The following CD200 variants were observed in gnomAD, a reference collection of about 807,000 sequenced individuals.
The protein encoded by CD200 is OX-2 membrane glycoprotein.
CD200 carries 15 observed loss-of-function variants against 30.9 expected under a neutral mutation model. The observed-to-expected ratio is 0.49, with a 90% confidence interval of 0.32 to 0.75. The LOEUF (loss-of-function observed/expected upper bound fraction) is 0.75, where lower values mean the gene tolerates loss of function less well. Ranked by LOEUF, CD200 falls within the 30% of genes least tolerant of loss-of-function variation. CD200 has a pLI of 0.03. For missense variants in CD200, 262 were observed against 324.2 expected, an observed-to-expected ratio of 0.81 and a Z score of 1.47; for synonymous variants, 134 against 126.2, an observed-to-expected ratio of 1.06 and a Z score of -0.41.
At chr3:112,335,408 G>A (rs191536423) in intron 1 of CD200, among the ~76,000 whole-genome samples, 191 of 152,264 alleles carry the variant, frequency 1.3e-3, no homozygotes, top group African/African-American at 4.0e-3. Context: ...TGGTATGCTT[G>A]GGTATCGAAT....
At chr3:112,334,291 G>A (rs1480181027) in intron 1 of CD200, 19 of 983,662 alleles carry the variant, frequency 1.9e-5, no homozygotes, top group Non-Finnish European at 2.3e-5. Flanking sequence ...CTACCAGGTG[G>A]GCAGCTGTCT....
Position 112,344,943 on chromosome 3 carries a change from T to C in CD200, c.95-19T>C. ...GTGTTACAATCTTTAAATATAAATG[T>C]TCTTTTATGATTCCATAGTGCAAGT... On this transcript the variant is annotated intron_variant, in intron 2 of 5. Coordinates refer to ENST00000315711, the MANE Select transcript of CD200 (RefSeq NM_005944.7). 2 of 1,542,034 alleles carry C rather than the reference T, an allele frequency of 1.3e-6. No homozygotes were observed. Among genetic ancestry groups the C allele is most frequent in the Non-Finnish European group, 1.8e-6 (2 of 1,131,898 alleles).
chr3:112,340,020 T>C (rs1033382595), intron 1 of CD200, among the ~76,000 whole-genome samples: 1 of 152,206 alleles, frequency 6.6e-6, no homozygotes, highest in Non-Finnish European at 1.5e-5. Context: ...CAACATTGAC[T>C]GGAAGTAAAT....
rs1337940963 is a variant in CD200, at chr3:112,361,839, T to G, written c.*289T>G. On this transcript the variant is annotated 3_prime_UTR_variant, in exon 6 of 6. Coordinates refer to ENST00000315711, the MANE Select transcript of CD200 (RefSeq NM_005944.7). ...TGGACTTAGTTAGTATCAGGAGCACTGAGCTCACAGACTGACTTGGGCTCC... is the reference window on the plus strand; with the variant it reads ...TGGACTTAGTTAGTATCAGGAGCACGGAGCTCACAGACTGACTTGGGCTCC... 1 of 474,990 alleles carries G rather than the reference T, an allele frequency of 2.1e-6. No individual in the cohort carries two copies. Among genetic ancestry groups the G allele is most frequent in the Non-Finnish European group, 3.8e-6 (1 of 265,710 alleles). The allele number at this position is 474,990 out of a possible 1,614,324, so 29.4% of individuals were successfully genotyped here.
In CD200 at chr3:112,347,714, C is replaced by T. The variant is rs550498570; in HGVS notation, c.578C>T (p.Thr193Met). 2.0e-5 allele frequency: 32 copies of T among 1,614,006 alleles called. No individual in the cohort carries two copies. The highest frequency in any genetic ancestry group is 8.8e-5 in the South Asian group (8 of 91,078). The change falls in exon 4 of 6, where the codon ACG becomes ATG. Residue 193 changes from threonine to methionine, a missense_variant. Physicochemically the swap from Thr to Met is moderately conservative, Grantham distance 81. Coordinates refer to ENST00000315711, the MANE Select transcript of CD200 (RefSeq NM_005944.7). ...ACTCTGTCTCACCCAAATGGGACCA[C>T]GTCTGTTACCAGCATCCTCCATATC... is the stretch of plus-strand genomic sequence containing the variant. Reference protein sequence around the residue: ...TVTLSHPNGTTSVTSILHIKD... With the variant: ...TVTLSHPNGTMSVTSILHIKD...
At chr3:112,359,711 C>A (rs2081700032) in intron 5 of CD200, among the ~76,000 whole-genome samples, 1 of 152,110 alleles carries the variant, frequency 6.6e-6, no homozygotes, top group Non-Finnish European at 1.5e-5. Context: ...ATGAACAAAA[C>A]AGGACCTTGT....
chr3:112,343,603 A>G lies in CD200; in HGVS notation c.95-1359A>G, dbSNP rs985683638. Among the ~76,000 whole-genome samples the G allele has an allele frequency of 2.0e-5, 3 of 152,188 alleles. No individual in the cohort carries two copies. The East Asian group carries it at 5.8e-4, about 29-fold the overall frequency. ...ACAGGCATCAGCCACTGTACCTGGT[A>G]GTTTTTCAAATTTCCTATTTAACTT... On this transcript the variant is annotated intron_variant, in intron 2 of 5. Coordinates refer to ENST00000315711, the MANE Select transcript of CD200 (RefSeq NM_005944.7).
chr3:112,342,142 C>A (rs1411674236), intron 2 of CD200, among the ~76,000 whole-genome samples: 5 of 151,834 alleles, frequency 3.3e-5, no homozygotes, highest in African/African-American at 9.7e-5. Context: ...TTATTAGTGT[C>A]TTTATCTTTA....
intron 5 of CD200, among the ~76,000 whole-genome samples, chr3:112,355,985 A>C (rs2081617095): frequency 6.6e-6 from 1 of 152,222 alleles, no homozygotes; most frequent in African/African-American, 2.4e-5. Flanking sequence ...AACAAATGAG[A>C]TTTTGTACTA....
chr3:112,332,731 A>G (rs1430434479), upstream of CD200: 3 of 158,968 alleles, frequency 1.9e-5, no homozygotes, highest in Non-Finnish European at 4.1e-5. Context: ...GCTTAAATAT[A>G]TAATTTGAAT....
chr3:112,349,646 C>T (rs1342231870), intron 4 of CD200, 66 bp from the exon 5 acceptor site: 9 of 1,384,420 alleles, frequency 6.5e-6, no homozygotes, highest in Admixed American at 4.2e-5. Context: ...AAAAGCTCAA[C>T]TCTTTTTGCC....
chr3:112,350,248 C>T (rs1027038915), intron 5 of CD200, among the ~76,000 whole-genome samples: 5 of 152,170 alleles, frequency 3.3e-5, no homozygotes, highest in Non-Finnish European at 5.9e-5. Context: ...TCCCACGATG[C>T]CTCAAACACT....
intron 1 of CD200, among the ~76,000 whole-genome samples, chr3:112,334,954 C>A (rs1416425871): frequency 6.6e-6 from 1 of 152,200 alleles, no homozygotes; most frequent in Non-Finnish European, 1.5e-5. Context: ...CATTCTTCAT[C>A]ATGGCCTCTG....
intron 1 of CD200, among the ~76,000 whole-genome samples, chr3:112,334,587 T>TAG (rs2081071064): frequency 6.6e-6 from 1 of 152,176 alleles, no homozygotes; most frequent in African/African-American, 2.4e-5. Flanking sequence ...TTTTAACCAT[T>TAG]AGATTGGTAC....
chr3:112,333,360 G>A, intron 1 of CD200, 136 bp downstream of exon 1: 1 of 1,420,960 alleles, frequency 7.0e-7, no homozygotes, highest in South Asian at 1.5e-5. Context: ...GATCAGCGGT[G>A]TTGATGGCAG....
intron 5 of CD200, among the ~76,000 whole-genome samples, chr3:112,354,739 A>G (rs1158393569): frequency 6.6e-6 from 1 of 152,242 alleles, no homozygotes; most frequent in Non-Finnish European, 1.5e-5. Flanking sequence ...AGAGATCAGA[A>G]GTCCAACATG....
At chr3:112,350,243 C>G (rs570798296) in intron 5 of CD200, among the ~76,000 whole-genome samples, 4 of 152,192 alleles carry the variant, frequency 2.6e-5, no homozygotes, top group Non-Finnish European at 5.9e-5. Context: ...TATACTCCCA[C>G]GATGCCTCAA....
At chr3:112,335,962 G>A in intron 1 of CD200, 1 of 1,612,060 alleles carries the variant, frequency 6.2e-7, no homozygotes, top group Non-Finnish European at 8.5e-7. Flanking sequence ...AGGACAATTG[G>A]GGGCCCTCTC....
intron 1 of CD200, among the ~76,000 whole-genome samples, chr3:112,340,015 T>C (rs1330676610): frequency 6.6e-6 from 1 of 152,152 alleles, no homozygotes; most frequent in Non-Finnish European, 1.5e-5. Context: ...TTATGCAACA[T>C]TGACTGGAAG....
Sources: allele counts gnomAD v4.1 joint callset (sites outside exome capture counted in the v4.1 genomes callset), GRCh38; gene constraint gnomAD v4.1.1; transcripts MANE v1.5; gene names NCBI Gene and HGNC (gene_info 2026-07-23, HGNC 2026-07-21).